The following OPCML variants were observed in gnomAD, a reference collection of about 807,000 sequenced individuals.
OPCML encodes opioid-binding protein/cell adhesion molecule.
A neutral mutation model predicts 37.8 loss-of-function variants in OPCML; 13 were observed. The observed-to-expected ratio is 0.34, with a 90% CI of 0.22 to 0.55. The LOEUF is 0.55. Ranked by LOEUF, OPCML falls within the 20% of genes least tolerant of loss-of-function variation. OPCML has a pLI of 0.91. For missense variants in OPCML, 341 were observed against 435.6 expected, an observed-to-expected ratio of 0.78 and a Z score of 1.93; for synonymous variants, 176 against 168.8, an observed-to-expected ratio of 1.04 and a Z score of -0.33.
intron 4 of OPCML, among the ~76,000 whole-genome samples, chr11:132,502,298 C>A (rs1437978346): frequency 6.6e-6 from 1 of 152,218 alleles, no homozygotes; most frequent in African/African-American, 2.4e-5. Context: ...TCCATTTTTA[C>A]TTTCTCTTTT....
chr11:132,735,800 A>G (rs1197325005), intron 2 of OPCML, among the ~76,000 whole-genome samples: 1 of 152,178 alleles, frequency 6.6e-6, no homozygotes, highest in Non-Finnish European at 1.5e-5. Flanking sequence ...GATTTTATTG[A>G]CAGATATCCT....
chr11:133,308,732 A>G (rs1027924843), intron 1 of OPCML, among the ~76,000 whole-genome samples: 8 of 152,188 alleles, frequency 5.3e-5, no homozygotes. Context: ...ATTCATCAAT[A>G]CAGATAACAA....
chr11:132,529,959 A>G (rs998671700), intron 3 of OPCML, among the ~76,000 whole-genome samples: 5 of 152,154 alleles, frequency 3.3e-5, no homozygotes, highest in African/African-American at 1.2e-4. Context: ...AATCAGTTTA[A>G]TTCCTCACCT....
intron 2 of OPCML, among the ~76,000 whole-genome samples, chr11:132,755,902 G>A (rs115302323): frequency 0.033 from 5,025 of 152,218 alleles, 155 homozygotes; most frequent in African/African-American, 0.078. Flanking sequence ...ATGTGGCCTC[G>A]GAACAGGTGT....
At position 132,478,964 on chromosome 11, in the gene OPCML, T is replaced by C. The variant is rs2096167535; in HGVS notation, c.506-41605A>G. Among the ~76,000 whole-genome samples, 3 of 152,310 alleles carry C rather than the reference T, an allele frequency of 2.0e-5. No individual in the cohort carries two copies. The South Asian group carries it at 6.2e-4, about 32-fold the overall frequency. The stretch of plus-strand genomic sequence containing the variant: ...ACATGTATCAAATGTTCAGGCATTT[T>C]TTTTTCACAAGGAGATAGAGCACAT... On this transcript the variant is annotated intron_variant, in intron 4 of 7. Transcript: ENST00000524381.
intron 1 of OPCML, among the ~76,000 whole-genome samples, chr11:133,509,237 C>G (rs1230166254): frequency 1.3e-5 from 2 of 152,158 alleles, no homozygotes; most frequent in Non-Finnish European, 2.9e-5. Context: ...GTCCCACTGA[C>G]AGGCCCCATT....
At chr11:133,316,674 T>C (rs1236001851) in intron 1 of OPCML, among the ~76,000 whole-genome samples, 2 of 152,178 alleles carry the variant, frequency 1.3e-5, no homozygotes, top group Admixed American at 6.5e-5. Flanking sequence ...TGTTTATGAC[T>C]CTTAACCCCT....
At chr11:132,886,669 T>A (rs1943432744) in intron 2 of OPCML, among the ~76,000 whole-genome samples, 1 of 152,172 alleles carries the variant, frequency 6.6e-6, no homozygotes, top group East Asian at 1.9e-4. Flanking sequence ...AAGTCATGAG[T>A]CCATACCGGG....
intron 3 of OPCML, among the ~76,000 whole-genome samples, chr11:132,638,750 C>G (rs1036913209): frequency 1.3e-5 from 2 of 152,094 alleles, no homozygotes; most frequent in Non-Finnish European, 2.9e-5. Context: ...GTTTTCCATA[C>G]CCCTATGATT....
At chr11:132,612,480 G>A (rs1938713009) in intron 3 of OPCML, among the ~76,000 whole-genome samples, 1 of 152,158 alleles carries the variant, frequency 6.6e-6, no homozygotes, top group South Asian at 2.1e-4. Flanking sequence ...TTTATCTTGA[G>A]CATCTCCTCA....
intron 2 of OPCML, among the ~76,000 whole-genome samples, chr11:132,825,684 C>T (rs1940271610): frequency 6.6e-6 from 1 of 152,064 alleles, no homozygotes; most frequent in Admixed American, 6.5e-5. Context: ...AAATTTACAC[C>T]CATGTGTGAA....
chr11:133,219,806 G>A (rs1321676202), intron 1 of OPCML, among the ~76,000 whole-genome samples: 1 of 152,102 alleles, frequency 6.6e-6, no homozygotes, highest in African/African-American at 2.4e-5. Context: ...TTTGGGGAGG[G>A]GGGTGCTACA....
chr11:132,788,684 G>A lies in OPCML; in HGVS notation c.147-131365C>T, dbSNP rs191695933. Among the ~76,000 whole-genome samples, 40 of 152,264 alleles carry A rather than the reference G, an allele frequency of 2.6e-4. No individual in the cohort carries two copies. In the East Asian group the frequency reaches 7.0e-3, roughly 26 times the overall value. ...AGGACTACACAGCTATTAACTTATA[G>A]AACAACAACCCTTGATGAATTATCA... On this transcript the variant is annotated intron_variant, in intron 2 of 7. Coordinates refer to ENST00000524381, the MANE Select transcript of OPCML (RefSeq NM_001012393.5).
chr11:132,972,880 C>T (rs935190866), intron 1 of OPCML, among the ~76,000 whole-genome samples: 4 of 152,096 alleles, frequency 2.6e-5, no homozygotes, highest in African/African-American at 7.2e-5. Context: ...AAGTTGATTG[C>T]TGTTGGTTCA....
At chr11:132,559,429 T>G (rs987536883) in intron 3 of OPCML, among the ~76,000 whole-genome samples, 2 of 152,134 alleles carry the variant, frequency 1.3e-5, no homozygotes, top group African/African-American at 4.8e-5. Context: ...TTTAAGGAAG[T>G]GTTTAAGAGC....
intron 2 of OPCML, among the ~76,000 whole-genome samples, chr11:132,743,310 A>G (rs1945501181): frequency 1.3e-5 from 2 of 152,144 alleles, no homozygotes; most frequent in Admixed American, 1.3e-4. Context: ...CACACCGCAT[A>G]CCAGCTCTAC....
intron 1 of OPCML, among the ~76,000 whole-genome samples, chr11:133,148,346 G>A (rs1000365271): frequency 2.0e-5 from 3 of 152,214 alleles, no homozygotes; most frequent in African/African-American, 4.8e-5. Flanking sequence ...AGCCAGAGAC[G>A]ATAAACTTGG....
chr11:133,071,139 G>A (rs1364492772), intron 1 of OPCML, among the ~76,000 whole-genome samples: 1 of 152,206 alleles, frequency 6.6e-6, no homozygotes, highest in Admixed American at 6.5e-5. Context: ...GTTGGGGTGA[G>A]GCAGGTACTG....
chr11:132,450,690 CAA>C (rs1164141495), intron 4 of OPCML, among the ~76,000 whole-genome samples: 1 of 151,916 alleles, frequency 6.6e-6, no homozygotes, highest in African/African-American at 2.4e-5. Context: ...GACAGACACA[CAA>C]GTGTTATAAA....
Sources: allele counts gnomAD v4.1 joint callset (sites outside exome capture counted in the v4.1 genomes callset), GRCh38; gene constraint gnomAD v4.1.1; transcripts MANE v1.5; gene names NCBI Gene and HGNC (gene_info 2026-07-23, HGNC 2026-07-21).